The following LRP1B variants were observed in gnomAD, a reference collection of about 807,000 sequenced individuals.
The protein encoded by LRP1B is low-density lipoprotein receptor-related protein 1B.
LRP1B carries 217 observed loss-of-function variants against 556.6 expected under a neutral mutation model. That is an observed-to-expected ratio of 0.39 (90% CI 0.35 to 0.44). The LOEUF (loss-of-function observed/expected upper bound fraction) is 0.44, where lower values mean the gene tolerates loss of function less well. Among genes scored for constraint, LRP1B ranks in the 20% least tolerant of loss-of-function variants. LRP1B has a pLI of 1.00. For missense variants in LRP1B, 5,053 were observed against 5,620.8 expected (o/e 0.90, Z 3.23); for synonymous variants, 2,047 against 1,865.8 (o/e 1.10, Z -2.50).
intron 83 of LRP1B, among the ~76,000 whole-genome samples, chr2:140,308,260 G>A (rs1034248324): frequency 5.3e-5 from 8 of 151,638 alleles, no homozygotes; most frequent in Non-Finnish European, 1.0e-4. Flanking sequence ...ATTATTTATT[G>A]ATATAATTTA....
chr2:140,523,398 A>G (rs1435210018), intron 49 of LRP1B, among the ~76,000 whole-genome samples: 1 of 151,886 alleles, frequency 6.6e-6, no homozygotes. Context: ...AATAAGAGCC[A>G]TCTGTGACAA....
At chr2:141,223,745 A>T (rs942893788) in intron 6 of LRP1B, among the ~76,000 whole-genome samples, 5 of 152,064 alleles carry the variant, frequency 3.3e-5, no homozygotes, top group Non-Finnish European at 5.9e-5. Flanking sequence ...TACAACCATT[A>T]GATCTTTGAC....
chr2:141,826,601 C>A (rs923830132), intron 1 of LRP1B, among the ~76,000 whole-genome samples: 3 of 152,014 alleles, frequency 2.0e-5, no homozygotes, highest in Non-Finnish European at 2.9e-5. Context: ...CCTCGTGATC[C>A]GCCCACCTCA....
intron 82 of LRP1B, among the ~76,000 whole-genome samples, chr2:140,318,606 C>T (rs1322211348): frequency 1.3e-5 from 2 of 152,018 alleles, no homozygotes; most frequent in Admixed American, 1.3e-4. Flanking sequence ...CCCTTCTATG[C>T]ACGTTATTGC....
chr2:141,687,262 A>G (rs560712600), intron 2 of LRP1B, among the ~76,000 whole-genome samples: 1 of 151,956 alleles, frequency 6.6e-6, no homozygotes, highest in African/African-American at 2.4e-5. Flanking sequence ...AGTTCACCAA[A>G]TTGAAAACAA....
chr2:140,312,424 C>T (rs1684341325), intron 83 of LRP1B, among the ~76,000 whole-genome samples: 2 of 151,758 alleles, frequency 1.3e-5, no homozygotes, highest in Non-Finnish European at 2.9e-5. Context: ...AATAACAGAC[C>T]TATAGCAGTA....
At position 140,886,400 on chromosome 2, in the gene LRP1B, A is replaced by C. The variant is rs1559175312; in HGVS notation, c.3767-65T>G. 31 of 767,100 alleles carry C rather than the reference A, an allele frequency of 4.0e-5. 1 individual carries two copies. In the South Asian group the frequency reaches 6.3e-4, roughly 16 times the overall value. The allele number at this position is 767,100 out of a possible 1,614,324, so 47.5% of individuals were successfully genotyped here. On this transcript the variant is annotated intron_variant, in intron 23 of 90. Transcript: ENST00000389484. ...AAACTCTGGTAATGAAATGCTTGGGATCAAAATATATTATTTAAAAGTATA... is the reference window on the plus strand; with the variant it reads ...AAACTCTGGTAATGAAATGCTTGGGCTCAAAATATATTATTTAAAAGTATA...
At chr2:141,042,693 T>C (rs1031821295) in intron 11 of LRP1B, among the ~76,000 whole-genome samples, 13 of 152,090 alleles carry the variant, frequency 8.5e-5, no homozygotes, top group African/African-American at 3.1e-4. Context: ...GAGTGGATTG[T>C]ATGGGACAAT....
chr2:140,511,290 G>GTTTTTTTT (rs1178038693), intron 51 of LRP1B, among the ~76,000 whole-genome samples: 7 of 82,612 alleles, frequency 8.5e-5, no homozygotes, highest in African/African-American at 4.0e-4. Flanking sequence ...TCCTCTAAGG[G>GTTTTTTTT]TCTTTTTTTT....
chr2:140,781,568 G>A (rs6758482), intron 32 of LRP1B, among the ~76,000 whole-genome samples: 129,488 of 152,168 alleles, frequency 0.85, 55,897 homozygotes, highest in East Asian at 1. Flanking sequence ...GAGTAGTAAG[G>A]TCTCTGCCAT....
intron 86 of LRP1B, among the ~76,000 whole-genome samples, chr2:140,257,296 T>G (rs1374060282): frequency 6.6e-6 from 1 of 152,154 alleles, no homozygotes; most frequent in African/African-American, 2.4e-5. Context: ...AGAGGTCTAA[T>G]AAAGACAAAA....
At chr2:141,096,168 ATTAGG>A (rs1292550753) in intron 7 of LRP1B, among the ~76,000 whole-genome samples, 14 of 152,184 alleles carry the variant, frequency 9.2e-5, no homozygotes, top group African/African-American at 3.4e-4. Flanking sequence ...GTTATAATAA[ATTAGG>A]TTAGGATAAA....
At chr2:141,008,591 A>G (rs1019670733) in intron 14 of LRP1B, among the ~76,000 whole-genome samples, 1 of 151,814 alleles carries the variant, frequency 6.6e-6, no homozygotes, top group African/African-American at 2.4e-5. Context: ...AAAATCAAAT[A>G]TGTAAGGAAA....
At chr2:141,953,006 G>A (rs186372729) in intron 1 of LRP1B, among the ~76,000 whole-genome samples, 1 of 152,038 alleles carries the variant, frequency 6.6e-6, no homozygotes, top group Non-Finnish European at 1.5e-5. Context: ...CTAGAGGGTA[G>A]CAATTTCATG....
chr2:140,238,308 A>C lies in LRP1B; in HGVS notation c.13416-12T>G. 1 of 1,395,484 alleles carries C rather than the reference A, an allele frequency of 7.2e-7. No homozygotes were observed. The allele number at this position is 1,395,484 out of a possible 1,614,324, so 86.4% of individuals were successfully genotyped here. A position where few individuals can be genotyped will look rare whatever the true frequency, so the allele number is the denominator to read the frequency against. The stretch of plus-strand genomic sequence containing the variant: ...TAATTGTTTTTGTCCTAGAATATAT[A>C]AACATTAATATGTGTGAGTTTTGTA... On this transcript the variant is annotated splice_polypyrimidine_tract_variant and intron_variant, in intron 88 of 90. Transcript: ENST00000389484.
intron 2 of LRP1B, among the ~76,000 whole-genome samples, chr2:141,495,527 A>G (rs911724695): frequency 9.2e-5 from 14 of 152,162 alleles, no homozygotes; most frequent in African/African-American, 3.4e-4. Context: ...TTTCTACAGA[A>G]GTTTGAACAG....
chr2:141,536,067 T>A lies in LRP1B; in HGVS notation c.206-55534A>T, dbSNP rs148714024. Among the ~76,000 whole-genome samples, 1,006 of 152,214 alleles carry A rather than the reference T, an allele frequency of 6.6e-3. 12 individuals carry two copies. Among genetic ancestry groups the A allele is most frequent in the African/African-American group, 0.023 (965 of 41,552 alleles). The stretch of plus-strand genomic sequence containing the variant: ...GTTTAAAATTCAGTGTAATCAGACT[T>A]CTTTATAAACAGTAAATGTTGAAAA... On this transcript the variant is annotated intron_variant, in intron 2 of 90. Coordinates refer to ENST00000389484, the MANE Select transcript of LRP1B (RefSeq NM_018557.3).
At chr2:140,396,981 A>G (rs1684283218) in intron 66 of LRP1B, among the ~76,000 whole-genome samples, 1 of 152,166 alleles carries the variant, frequency 6.6e-6, no homozygotes, top group Non-Finnish European at 1.5e-5. Flanking sequence ...GCAAATAACA[A>G]GTATTGGTGA....
chr2:140,636,823 C>T (rs1340414696), intron 41 of LRP1B, among the ~76,000 whole-genome samples: 1 of 152,018 alleles, frequency 6.6e-6, no homozygotes, highest in African/African-American at 2.4e-5. Flanking sequence ...ATGCATTACC[C>T]ACAGATACGG....
Sources: allele counts gnomAD v4.1 joint callset (sites outside exome capture counted in the v4.1 genomes callset), GRCh38; gene constraint gnomAD v4.1.1; transcripts MANE v1.5; gene names NCBI Gene and HGNC (gene_info 2026-07-23, HGNC 2026-07-21).